The following RNF168 variants were observed in gnomAD, a reference collection of about 807,000 sequenced individuals.
RNF168 encodes ring finger protein 168.
Under a neutral mutation model 34.9 loss-of-function variants are expected in RNF168, and 34 were observed. The ratio of observed to expected loss-of-function variants is 0.97; its 90% confidence interval spans 0.74 to 1.30. The LOEUF (loss-of-function observed/expected upper bound fraction) is 1.30, where lower values mean the gene tolerates loss of function less well. Among genes scored for constraint, RNF168 ranks in the 50% most tolerant of loss-of-function variants. The probability of loss-of-function intolerance (pLI) is 0.00; values close to 1 mark genes in which losing one functional copy is unlikely to be tolerated. For missense variants in RNF168, 725 were observed against 682.5 expected (o/e 1.06, Z -0.69); for synonymous variants, 264 against 254.7 (o/e 1.04, Z -0.35).
chr3:196,503,451 G>A lies in RNF168; in HGVS notation c.-278C>T, dbSNP rs1357444666. 3 of 451,556 alleles carry A rather than the reference G, an allele frequency of 6.6e-6. No homozygotes were observed. Among genetic ancestry groups the A allele is most frequent in the Non-Finnish European group, 1.2e-5 (3 of 244,482 alleles). 28.0% of individuals were successfully genotyped at this position (451,556 alleles called of 1,614,324 possible). On this transcript the variant is annotated 5_prime_UTR_variant, in exon 1 of 6. It introduces an in-frame stop codon into an upstream open reading frame of the 5' UTR. Coordinates refer to ENST00000318037, the MANE Select transcript of RNF168 (RefSeq NM_152617.4). Reference sequence around the variant, plus strand: ...ATGCAGGTTTTCGTCGGAGGAGCCTGGCTGCTCCGCGGCATGAACACCGCG... The same window carrying A: ...ATGCAGGTTTTCGTCGGAGGAGCCTAGCTGCTCCGCGGCATGAACACCGCG...
Position 196,497,003 on chromosome 3 carries a change from A to C in RNF168, c.301+5870T>G, listed in dbSNP as rs559186099. Among the ~76,000 whole-genome samples, 3 of 152,178 alleles carry C rather than the reference A, an allele frequency of 2.0e-5. No homozygotes were observed. The South Asian group carries it at 6.2e-4, about 32-fold the overall frequency. On this transcript the variant is annotated intron_variant, in intron 1 of 5. Coordinates refer to ENST00000318037, the MANE Select transcript of RNF168 (RefSeq NM_152617.4). ...TCTATTAAAAATACAAAAATTAGCC[A>C]GGCATGGTGGTACATGCCTGTAATC... is the stretch of plus-strand genomic sequence containing the variant.
In RNF168 at chr3:196,487,537, TTTG is replaced by T. The variant is rs1560272153; in HGVS notation, c.417_419del (p.Asn139del). 9 of 1,614,124 alleles carry T rather than the reference TTTG, an allele frequency of 5.6e-6. No homozygotes were observed. The highest frequency in any genetic ancestry group is 7.6e-6 in the Non-Finnish European group (9 of 1,180,046). On this transcript the variant is annotated inframe_deletion, in exon 3 of 6. Coordinates refer to ENST00000318037, the MANE Select transcript of RNF168 (RefSeq NM_152617.4). ...ACCTCTGTATGTATTCTTCACTGGC[TTTG>T]TTTTCTTCTTCCTCGCTGGCCCGTC... is the stretch of plus-strand genomic sequence containing the variant.
chr3:196,500,862 C>T (rs931679796), intron 1 of RNF168, among the ~76,000 whole-genome samples: 2 of 151,448 alleles, frequency 1.3e-5, no homozygotes, highest in Non-Finnish European at 3.0e-5. Context: ...CAGGCGCGTG[C>T]CAACATGCCC....
chr3:196,472,693 A>G lies in RNF168; in HGVS notation c.842T>C (p.Ile281Thr). The G allele has an allele frequency of 6.2e-7, 1 of 1,606,934 alleles. No homozygotes were observed. The stretch of plus-strand genomic sequence containing the variant: ...ACCTTGTTCTCCAACTCCAAGGGAT[A>G]TCTGTGGAGAAAGTGTCGGCATATC... ...IEDMPTLSPQ[I>T]SLGVGEQGAD... Residue 281 changes from isoleucine (I) to threonine (T), a missense_variant, in exon 6 of 6, where the codon ATA becomes ACA. Coordinates refer to ENST00000318037, the MANE Select transcript of RNF168 (RefSeq NM_152617.4).
intron 3 of RNF168, among the ~76,000 whole-genome samples, chr3:196,485,786 T>TC (rs1382674087): frequency 1.3e-5 from 2 of 151,740 alleles, no homozygotes; most frequent in Non-Finnish European, 2.9e-5. Context: ...ACATATATAT[T>TC]TTTTTATTCT....
In RNF168 at chr3:196,472,263, G is replaced by A. The variant is rs2108643913; in HGVS notation, c.1272C>T (p.Asn424=). ...SSPDQEETEI[N]FTQKLIDLEH... is the part of the protein sequence containing the mutation. ...CCAAATCTATCAGTTTTTGGGTAAA[G>A]TTTATTTCTGTTTCCTCTTGATCTG... Residue 424 remains asparagine, a synonymous_variant, in exon 6 of 6, where the codon AAC becomes AAT. Transcript: ENST00000318037. The A allele has an allele frequency of 6.2e-7, 1 of 1,613,998 alleles. No homozygotes were observed.
At chr3:196,481,592 G>A (rs1732290679) in intron 4 of RNF168, among the ~76,000 whole-genome samples, 1 of 150,480 alleles carries the variant, frequency 6.6e-6, no homozygotes, top group Non-Finnish European at 1.5e-5. Context: ...TATTTATACA[G>A]CTAATTGAAT....
intron 4 of RNF168, among the ~76,000 whole-genome samples, chr3:196,479,411 C>T (rs996178812): frequency 6.6e-6 from 1 of 151,902 alleles, no homozygotes; most frequent in East Asian, 1.9e-4. Flanking sequence ...TTCACGTGAT[C>T]CTGCCACCTC....
intron 1 of RNF168, among the ~76,000 whole-genome samples, chr3:196,490,328 C>T (rs1275142555): frequency 6.6e-6 from 1 of 152,028 alleles, no homozygotes; most frequent in Admixed American, 6.6e-5. Flanking sequence ...AAAAAGGGAA[C>T]ATCCAAAAAA....
chr3:196,495,594 C>T (rs1732722990), intron 1 of RNF168, among the ~76,000 whole-genome samples: 1 of 152,182 alleles, frequency 6.6e-6, no homozygotes, highest in African/African-American at 2.4e-5. Flanking sequence ...TTATACTCGT[C>T]CTATCAGGAG....
intron 4 of RNF168, among the ~76,000 whole-genome samples, chr3:196,481,682 GTTTTTTTTTTTTT>G (rs34739638): frequency 4.8e-5 from 3 of 62,362 alleles, no homozygotes; most frequent in Non-Finnish European, 8.5e-5. Flanking sequence ...TTTCAGCTGC[GTTTTTTTTTTTTT>G]TTTTTTTTTT....
At chr3:196,479,660 G>A (rs962559273) in intron 4 of RNF168, among the ~76,000 whole-genome samples, 3 of 150,726 alleles carry the variant, frequency 2.0e-5, no homozygotes, top group African/African-American at 4.9e-5. Flanking sequence ...GTGTGACCTC[G>A]GCTCACTGCA....
intron 5 of RNF168, among the ~76,000 whole-genome samples, chr3:196,474,124 A>AT (rs758504791): frequency 0.15 from 18,074 of 124,302 alleles, 2,118 homozygotes; most frequent in African/African-American, 0.27. Context: ...TCATCTTGCA[A>AT]TTTTTTTTTT....
At chr3:196,475,515 C>A (rs1577509075) in intron 4 of RNF168, 2 of 507,002 alleles carry the variant, frequency 3.9e-6, no homozygotes, top group Non-Finnish European at 7.1e-6. Context: ...TAGTGAAAAA[C>A]AGAAAAGGAA....
chr3:196,503,268 G>C lies in RNF168; in HGVS notation c.-95C>G. 1 of 1,106,616 alleles carries C rather than the reference G, an allele frequency of 9.0e-7. No homozygotes were observed. Among genetic ancestry groups the C allele is most frequent in the Non-Finnish European group, 1.4e-6 (1 of 736,398 alleles). 68.5% of individuals were successfully genotyped at this position (1,106,616 alleles called of 1,614,324 possible). A position where few individuals can be genotyped will look rare whatever the true frequency, so the allele number is the denominator to read the frequency against. On this transcript the variant is annotated 5_prime_UTR_variant, in exon 1 of 6. Transcript: ENST00000318037. ...ACAGAGAGAGCAAAAGCAGTTTTGT[G>C]TTTCAGTATTATGCCCAGAAGCGTA...
At chr3:196,497,167 C>T (rs9844068) in intron 1 of RNF168, among the ~76,000 whole-genome samples, 70,887 of 151,772 alleles carry the variant, frequency 0.47, 17,843 homozygotes, top group East Asian at 0.71. Context: ...AAAAGATTTA[C>T]TCTAAAGTCA....
At chr3:196,501,981 GGC>G (rs1347584907) in intron 1 of RNF168, among the ~76,000 whole-genome samples, 7 of 141,692 alleles carry the variant, frequency 4.9e-5, no homozygotes, top group Non-Finnish European at 1.1e-4. Context: ...TGTTTAAAAT[GGC>G]ATTTTTTTAC....
chr3:196,484,328 T>C (rs999970435), intron 3 of RNF168, among the ~76,000 whole-genome samples: 8 of 151,590 alleles, frequency 5.3e-5, no homozygotes, highest in Middle Eastern at 3.2e-3. Context: ...CCCTCCACCA[T>C]GCCCGGCTAA....
At chr3:196,491,226 T>C (rs1405764024) in intron 1 of RNF168, among the ~76,000 whole-genome samples, 1 of 152,104 alleles carries the variant, frequency 6.6e-6, no homozygotes, top group Non-Finnish European at 1.5e-5. Context: ...GGCAGTAGAA[T>C]AGCTTGAACC....
Sources: gnomAD v4.1 joint callset for allele counts (sites outside exome capture counted in the v4.1 genomes callset) on GRCh38, gnomAD v4.1.1 for gene constraint, MANE v1.5 for transcripts, NCBI Gene and HGNC (gene_info 2026-07-23, HGNC 2026-07-21) for gene names.